Variants in CLCN1 observed in about 807,000 individuals in gnomAD.
CLCN1 encodes the protein chloride channel protein 1.
In CLCN1, 100 loss-of-function variants were observed where a neutral mutation model predicts 114.5. The ratio of observed to expected loss-of-function variants is 0.87; its 90% confidence interval spans 0.74 to 1.03. The LOEUF (loss-of-function observed/expected upper bound fraction) is 1.03. CLCN1 is among the 50% of genes least tolerant of loss of function. The probability of loss-of-function intolerance (pLI) is 0.00; values close to 1 mark genes in which losing one functional copy is unlikely to be tolerated. For synonymous variants in CLCN1, 485 were observed against 487.1 expected, an observed-to-expected ratio of 1.00 and a Z score of 0.06; for missense variants, 1,188 against 1,250.0, an observed-to-expected ratio of 0.95 and a Z score of 0.75.
At chr7:143,338,814 A>G (rs970445487) in intron 12 of CLCN1, among the ~76,000 whole-genome samples, 12 of 152,018 alleles carry the variant, frequency 7.9e-5, no homozygotes, top group Admixed American at 5.9e-4. Flanking sequence ...AAAAAGAAAA[A>G]AAAAAAACCG....
At chr7:143,326,973 C>A (rs997285542) in intron 7 of CLCN1, among the ~76,000 whole-genome samples, 45 of 152,090 alleles carry the variant, frequency 3.0e-4, no homozygotes. Context: ...AGTGGCCAGG[C>A]ACAGTGGCTC....
rs1803026728 is a variant in CLCN1 at position 143,339,659 on chromosome 7, A to G, written c.1582+38A>G. On this transcript the variant is annotated intron_variant, in intron 14 of 22. Coordinates refer to ENST00000343257, the MANE Select transcript of CLCN1 (RefSeq NM_000083.3). This position sits in a 1 kb window ranked among gnomAD's most constrained non-coding sequence, Gnocchi z 4.1. ...CCCACTTCCCTGTAATCAAACATTGAGTACTTCAGATCCCCACACTTAAAC... is the reference window on the plus strand; with the variant it reads ...CCCACTTCCCTGTAATCAAACATTGGGTACTTCAGATCCCCACACTTAAAC... The G allele has an allele frequency of 2.4e-6, 3 of 1,228,888 alleles. No individual in the cohort carries two copies. Among genetic ancestry groups the G allele is most frequent in the Non-Finnish European group, 3.6e-6 (3 of 828,674 alleles). 76.1% of individuals were successfully genotyped at this position (1,228,888 alleles called of 1,614,324 possible).
In CLCN1 at chr7:143,316,184, G is replaced by C. The variant is rs760184119; in HGVS notation, c.-29G>C. On this transcript the variant is annotated 5_prime_UTR_variant, in exon 1 of 23. Coordinates refer to ENST00000343257, the MANE Select transcript of CLCN1 (RefSeq NM_000083.3). ...GGAAGGACAGGGGCAAGCAGGCCAA[G>C]GCCTGGCCGGGGCTCGGGGGGAGGG... The C allele has an allele frequency of 4.8e-5, 76 of 1,595,960 alleles. No individual in the cohort carries two copies. Among genetic ancestry groups the C allele is most frequent in the Non-Finnish European group, 6.1e-5 (71 of 1,166,308 alleles).
intron 12 of CLCN1, among the ~76,000 whole-genome samples, chr7:143,333,892 C>T (rs1802799010): frequency 6.6e-6 from 1 of 152,146 alleles, no homozygotes; most frequent in Non-Finnish European, 1.5e-5. Context: ...ATTTTTATTT[C>T]TACCCCTGGT....
At chr7:143,318,372 G>A (rs994694114) in intron 1 of CLCN1, among the ~76,000 whole-genome samples, 4 of 152,054 alleles carry the variant, frequency 2.6e-5, no homozygotes, top group African/African-American at 7.2e-5. Flanking sequence ...ACAGGCATGC[G>A]CCACCATGCC....
intron 17 of CLCN1, 131 bp downstream of exon 17, chr7:143,345,893 G>C: frequency 9.9e-5 from 126 of 1,272,758 alleles, no homozygotes; most frequent in Middle Eastern, 2.2e-4. Context: ...GGAGGGGAGA[G>C]TCTGGTAACT....
intron 7 of CLCN1, among the ~76,000 whole-genome samples, chr7:143,327,174 A>C (rs1329526940): frequency 6.6e-6 from 1 of 151,872 alleles, no homozygotes; most frequent in Non-Finnish European, 1.5e-5. Flanking sequence ...TGAACCTGGG[A>C]GGTGGAGGTT....
At chr7:143,323,858 G>A (rs1362223073) in intron 6 of CLCN1, 4 of 473,008 alleles carry the variant, frequency 8.5e-6, no homozygotes, top group South Asian at 6.2e-5. Flanking sequence ...GTCGGCCTGT[G>A]CAGTGGGCGT....
At position 143,316,186 on chromosome 7, in the gene CLCN1, C is replaced by T; in HGVS notation, c.-27C>T. On this transcript the variant is annotated 5_prime_UTR_variant, in exon 1 of 23. Coordinates refer to ENST00000343257, the MANE Select transcript of CLCN1 (RefSeq NM_000083.3). ...AAGGACAGGGGCAAGCAGGCCAAGG[C>T]CTGGCCGGGGCTCGGGGGGAGGGAA... The T allele has an allele frequency of 6.3e-7, 1 of 1,597,926 alleles. No homozygotes were observed. The highest frequency in any genetic ancestry group is 8.6e-7 in the Non-Finnish European group (1 of 1,167,956).
At chr7:143,344,021 G>A (rs1389187374) in intron 16 of CLCN1, among the ~76,000 whole-genome samples, 1 of 152,108 alleles carries the variant, frequency 6.6e-6, no homozygotes, top group East Asian at 1.9e-4. Flanking sequence ...TGTATTTTTA[G>A]TAGAGACGGG....
chr7:143,345,673 G>T lies in CLCN1; in HGVS notation c.2083G>T (p.Glu695Ter), dbSNP rs765869748. 5 of 1,563,908 alleles carry T rather than the reference G, an allele frequency of 3.2e-6. No homozygotes were observed. Among genetic ancestry groups the T allele is most frequent in the South Asian group, 1.2e-5 (1 of 85,142 alleles). The stretch of plus-strand genomic sequence containing the variant: ...CGACGGGAAGGCGCGGCTGGCTGGG[G>T]AGGGGCTCCCCGGCGCGCCTCCAGG... ...PYDGKARLAG[E>*]GLPGAPPGRP... The change falls in exon 17 of 23, where the codon GAG becomes TAG. Residue 695 changes from glutamate (E) to a stop codon, truncating the protein, a stop_gained. Transcript: ENST00000343257. LOFTEE classifies it high-confidence loss of function.
rs73726622 is a variant in CLCN1, at chr7:143,345,726, T to C, written c.2136T>C (p.Asp712=). 1.8e-3 allele frequency: 2,914 copies of C among 1,587,048 alleles called. 31 individuals carry two copies. The African/African-American group carries it at 0.029, about 16-fold the overall frequency. ...PGRPESFAFV[D]EDEDEDLSGK... ...GGCCCGAGTCCTTCGCCTTTGTGGA[T>C]GAGGATGAGGACGAAGACCTCTCTG... The change falls in exon 17 of 23, where the codon GAT becomes GAC. Residue 712 remains aspartate, a synonymous_variant. Coordinates refer to ENST00000343257, the MANE Select transcript of CLCN1 (RefSeq NM_000083.3).
At position 143,324,641 on chromosome 7, in the gene CLCN1, T is replaced by C; in HGVS notation, c.853+149T>C. On this transcript the variant is annotated intron_variant, in intron 7 of 22. Coordinates refer to ENST00000343257, the MANE Select transcript of CLCN1 (RefSeq NM_000083.3). The surrounding 1 kb of genome is among the most constrained non-coding windows in gnomAD (Gnocchi z 4.6). ...AGCCTTTGCTATGTGCCAGGCAATG[T>C]TTAAAGCACTTACTTTTATTCCTGG... 1.4e-6 allele frequency: 1 copy of C among 716,150 alleles called. No individual in the cohort carries two copies. Among genetic ancestry groups the C allele is most frequent in the Non-Finnish European group, 2.6e-6 (1 of 388,826 alleles). 44.4% of individuals were successfully genotyped at this position (716,150 alleles called of 1,614,324 possible). A position where few individuals can be genotyped will look rare whatever the true frequency, so the allele number is the denominator to read the frequency against.
Position 143,324,498 on chromosome 7 carries a change from T to G in CLCN1, c.853+6T>G. ...TTTTGGGACACCACTTGGAGGCAAG[T>G]GATTGACCCCCTCCCCCATCAATCG... is the stretch of plus-strand genomic sequence containing the variant. On this transcript the variant is annotated splice_donor_region_variant and intron_variant, in intron 7 of 22. Transcript: ENST00000343257. This position sits in a 1 kb window ranked among gnomAD's most constrained non-coding sequence, Gnocchi z 4.6. 6.2e-7 allele frequency: 1 copy of G among 1,610,166 alleles called. No individual in the cohort carries two copies. The highest frequency in any genetic ancestry group is 8.5e-7 in the Non-Finnish European group (1 of 1,176,544).
Position 143,351,607 on chromosome 7 carries a change from T to C in CLCN1, c.2609T>C (p.Ile870Thr), listed in dbSNP as rs1319094688. 3.7e-6 allele frequency: 6 copies of C among 1,614,086 alleles called. No individual in the cohort carries two copies. The highest frequency in any genetic ancestry group is 4.5e-5 in the East Asian group (2 of 44,866). ...VLALEELQKA[I>T]EGHTKSGVQL... Reference sequence around the variant, plus strand: ...ACTGCTCTTCAGCTACAGAAGGCCATTGAGGGGCACACCAAGTCTGGGGTG... The same window carrying C: ...ACTGCTCTTCAGCTACAGAAGGCCACTGAGGGGCACACCAAGTCTGGGGTG... Residue 870 changes from isoleucine to threonine, a missense_variant, in exon 23 of 23, where the codon ATT becomes ACT. By Grantham distance (89) the Ile-to-Thr change is moderately conservative (BLOSUM62 -1). Coordinates refer to ENST00000343257, the MANE Select transcript of CLCN1 (RefSeq NM_000083.3).
At chr7:143,329,688 C>T (rs1288874716) in intron 7 of CLCN1, among the ~76,000 whole-genome samples, 1 of 152,158 alleles carries the variant, frequency 6.6e-6, no homozygotes. Flanking sequence ...AGGGGACAAA[C>T]CTGCCTAGTT....
intron 7 of CLCN1, among the ~76,000 whole-genome samples, chr7:143,325,193 G>GT (rs1164703225): frequency 6.6e-6 from 1 of 152,178 alleles, no homozygotes; most frequent in Non-Finnish European, 1.5e-5. Flanking sequence ...TAGCAGGGCA[G>GT]GATTATATAG....
chr7:143,333,601 C>T (rs1356284198), intron 12 of CLCN1, among the ~76,000 whole-genome samples: 3 of 152,148 alleles, frequency 2.0e-5, no homozygotes, highest in African/African-American at 7.2e-5. Flanking sequence ...GTGATTTGAG[C>T]ATCTTTTTTC....
Position 143,352,043 on chromosome 7 carries a change from C to T in CLCN1, c.*78C>T. 1.3e-6 allele frequency: 2 copies of T among 1,587,048 alleles called. No homozygotes were observed. The highest frequency in any genetic ancestry group is 3.3e-5 in the Admixed American group (2 of 59,848). On this transcript the variant is annotated 3_prime_UTR_variant, in exon 23 of 23. Transcript: ENST00000343257. Reference sequence around the variant, plus strand: ...GAACTTGTGTGGGGCAGGGTGCGTCCTGAATGTGGCGAGGTCATGCCAATG... The same window carrying T: ...GAACTTGTGTGGGGCAGGGTGCGTCTTGAATGTGGCGAGGTCATGCCAATG...
Sources: gnomAD v4.1 joint callset for allele counts (sites outside exome capture counted in the v4.1 genomes callset) on GRCh38, gnomAD v4.1.1 for gene constraint, Gnocchi (gnomAD v3.1) non-coding constraint, MANE v1.5 for transcripts, NCBI Gene and HGNC (gene_info 2026-07-23, HGNC 2026-07-21) for gene names.